MNAT1: variants seen among roughly 807,000 people sequenced by gnomAD.
MNAT1 encodes the protein CDK-activating kinase assembly factor MAT1.
MNAT1 carries 43 observed loss-of-function variants against 42.0 expected under a neutral mutation model. That is an observed-to-expected ratio of 1.02 (90% CI 0.80 to 1.32). The LOEUF (loss-of-function observed/expected upper bound fraction) is 1.32, where lower values mean the gene tolerates loss of function less well. MNAT1 is among the 40% of genes most tolerant of loss of function. MNAT1 has a pLI of 0.00. For missense variants in MNAT1, 306 were observed against 350.4 expected (o/e 0.87, Z 1.01); for synonymous variants, 118 against 120.0 (o/e 0.98, Z 0.11).
intron 7 of MNAT1, among the ~76,000 whole-genome samples, chr14:60,909,817 G>C (rs2035306070): frequency 2.0e-5 from 3 of 151,878 alleles, no homozygotes; most frequent in Admixed American, 1.3e-4. Context: ...GCTCTTTTTT[G>C]GTTCCATATG....
intron 6 of MNAT1, among the ~76,000 whole-genome samples, chr14:60,821,475 T>C (rs1389676365): frequency 6.6e-6 from 1 of 152,220 alleles, no homozygotes; most frequent in Non-Finnish European, 1.5e-5. Context: ...GACTGAATCT[T>C]ACATATTAGG....
At chr14:60,898,225 G>T (rs893597957) in intron 7 of MNAT1, among the ~76,000 whole-genome samples, 1 of 151,866 alleles carries the variant, frequency 6.6e-6, no homozygotes. Flanking sequence ...GAATGGTGTT[G>T]TGATGAACAT....
intron 7 of MNAT1, among the ~76,000 whole-genome samples, chr14:60,927,815 A>T (rs2139563848): frequency 6.6e-6 from 1 of 152,224 alleles, no homozygotes; most frequent in South Asian, 2.1e-4. Context: ...GTCTGCATTT[A>T]CCCAATGAGT....
At chr14:60,784,080 C>G (rs1311887835) in intron 1 of MNAT1, among the ~76,000 whole-genome samples, 1 of 151,576 alleles carries the variant, frequency 6.6e-6, no homozygotes, top group African/African-American at 2.4e-5. Flanking sequence ...AATCTCGGCT[C>G]ACTGCAACCT....
intron 6 of MNAT1, among the ~76,000 whole-genome samples, chr14:60,841,166 C>A (rs1450728844): frequency 6.6e-6 from 1 of 150,888 alleles, no homozygotes; most frequent in Non-Finnish European, 1.5e-5. Context: ...TTTCCATTTC[C>A]TTTTCCCTTT....
intron 7 of MNAT1, among the ~76,000 whole-genome samples, chr14:60,941,078 C>T (rs1383413995): frequency 6.6e-6 from 1 of 152,096 alleles, no homozygotes; most frequent in African/African-American, 2.4e-5. Flanking sequence ...CGTTTATTCT[C>T]ATAGTATATA....
chr14:60,833,541 G>A (rs1369048994), intron 6 of MNAT1, among the ~76,000 whole-genome samples: 1 of 152,176 alleles, frequency 6.6e-6, no homozygotes, highest in Non-Finnish European at 1.5e-5. Flanking sequence ...CTGGATTGTG[G>A]TGGATAAGCT....
intron 7 of MNAT1, among the ~76,000 whole-genome samples, chr14:60,894,748 A>C (rs2034917337): frequency 6.6e-6 from 1 of 152,116 alleles, no homozygotes; most frequent in Non-Finnish European, 1.5e-5. Flanking sequence ...GAATATTTAT[A>C]ATACAATTAG....
chr14:60,893,470 T>C (rs540388907), intron 7 of MNAT1, among the ~76,000 whole-genome samples: 10 of 152,328 alleles, frequency 6.6e-5, no homozygotes, highest in Non-Finnish European at 1.3e-4. Context: ...TTTGTTTTAG[T>C]TATTATTTGA....
At chr14:60,868,290 T>C (rs555850422) in intron 6 of MNAT1, among the ~76,000 whole-genome samples, 19 of 152,294 alleles carry the variant, frequency 1.2e-4, no homozygotes, top group Middle Eastern at 6.8e-3. Context: ...ATTTAAATTA[T>C]TAGAACATTA....
chr14:60,802,830 T>C (rs2032247926), intron 3 of MNAT1, among the ~76,000 whole-genome samples: 1 of 152,000 alleles, frequency 6.6e-6, no homozygotes, highest in Non-Finnish European at 1.5e-5. Context: ...AAATGAGAGA[T>C]AAAGTGAAAA....
At chr14:60,749,111 G>A (rs991307272) in intron 1 of MNAT1, among the ~76,000 whole-genome samples, 13 of 152,192 alleles carry the variant, frequency 8.5e-5, no homozygotes, top group African/African-American at 2.4e-4. Context: ...ATGTCCTTGT[G>A]TAGTGCATGA....
intron 7 of MNAT1, among the ~76,000 whole-genome samples, chr14:60,967,401 G>A (rs190466047): frequency 4.5e-4 from 69 of 152,268 alleles, no homozygotes; most frequent in Admixed American, 6.5e-4. Flanking sequence ...GAAGAAACAA[G>A]TTAGTTTCTT....
intron 6 of MNAT1, among the ~76,000 whole-genome samples, chr14:60,862,889 A>G (rs995217793): frequency 6.6e-6 from 1 of 152,164 alleles, no homozygotes; most frequent in Non-Finnish European, 1.5e-5. Context: ...GAGTGTTCAC[A>G]TAATGAAGGT....
intron 6 of MNAT1, among the ~76,000 whole-genome samples, chr14:60,826,699 T>A (rs1278829355): frequency 6.6e-6 from 1 of 152,194 alleles, no homozygotes; most frequent in East Asian, 1.9e-4. Context: ...ACAACTTTGT[T>A]TCTTGGCCAG....
chr14:60,968,145 A>G (rs1277415467), intron 7 of MNAT1, 84 bp from the exon 8 acceptor site: 1 of 970,814 alleles, frequency 1.0e-6, no homozygotes, highest in East Asian at 2.5e-5. Context: ...TTAAAACTTG[A>G]ATCAGTTTTA....
intron 7 of MNAT1, among the ~76,000 whole-genome samples, chr14:60,911,422 T>C (rs918157370): frequency 2.0e-5 from 3 of 152,194 alleles, no homozygotes; most frequent in South Asian, 4.1e-4. Context: ...TGTTAGGGTG[T>C]CAATTTTAGA....
At chr14:60,817,645 A>G (rs2032755698) in intron 5 of MNAT1, among the ~76,000 whole-genome samples, 1 of 152,028 alleles carries the variant, frequency 6.6e-6, no homozygotes, top group Non-Finnish European at 1.5e-5. Context: ...TTGTGCCTAA[A>G]AAATTATTAA....
chr14:60,932,530 G>A (rs181280267), intron 7 of MNAT1, among the ~76,000 whole-genome samples: 29 of 151,918 alleles, frequency 1.9e-4, no homozygotes, highest in Middle Eastern at 3.4e-3. Context: ...GGAGTGTGCA[G>A]GTATTTCAGC....
Sources: allele counts gnomAD v4.1 joint callset (sites outside exome capture counted in the v4.1 genomes callset), GRCh38; gene constraint gnomAD v4.1.1; transcripts MANE v1.5; gene names NCBI Gene and HGNC (gene_info 2026-07-23, HGNC 2026-07-21).